The following SNX14 variants were observed in gnomAD, a reference collection of about 807,000 sequenced individuals.
SNX14 encodes the protein sorting nexin-14.
Under a neutral mutation model 133.8 loss-of-function variants are expected in SNX14, and 93 were observed. That is an observed-to-expected ratio of 0.70 (90% CI 0.59 to 0.83). The LOEUF (loss-of-function observed/expected upper bound fraction) is 0.83, where lower values mean the gene tolerates loss of function less well. Ranked by LOEUF, SNX14 falls within the 40% of genes least tolerant of loss-of-function variation. The probability of loss-of-function intolerance (pLI) is 0.00; values close to 1 mark genes in which losing one functional copy is unlikely to be tolerated. For synonymous variants in SNX14, 368 were observed against 365.6 expected (o/e 1.01, Z -0.07); for missense variants, 945 against 1,094.9 (o/e 0.86, Z 1.93).
At chr6:85,560,004 G>A (rs1345529615) in intron 6 of SNX14, among the ~76,000 whole-genome samples, 2 of 152,194 alleles carry the variant, frequency 1.3e-5, no homozygotes, top group East Asian at 3.8e-4. Flanking sequence ...TTCTGGCAAG[G>A]ATGTGGAGAA....
chr6:85,568,139 A>G (rs1344999587), intron 4 of SNX14: 1 of 151,844 alleles, frequency 6.6e-6, no homozygotes, highest in African/African-American at 2.4e-5. Context: ...TATTAGAATG[A>G]CATGCACATA....
chr6:85,533,765 A>C lies in SNX14; in HGVS notation c.1644T>G (p.Ser548=). The C allele has an allele frequency of 6.2e-7, 1 of 1,613,652 alleles. No homozygotes were observed. The highest frequency in any genetic ancestry group is 2.2e-5 in the East Asian group (1 of 44,868). Residue 548 remains serine, a synonymous_variant, in exon 18 of 29, where the codon TCT becomes TCG. Transcript: ENST00000314673. The part of the protein sequence containing the change: ...EEGIVVMEDD[S]PVEAVSTPNT... Reference sequence around the variant, plus strand: ...TAGGTGTGCTCACAGCCTCCACTGGAGAATCATCTTCCATTACAACAATAC... The same window carrying C: ...TAGGTGTGCTCACAGCCTCCACTGGCGAATCATCTTCCATTACAACAATAC...
intron 1 of SNX14, among the ~76,000 whole-genome samples, chr6:85,584,949 C>T (rs1046806745): frequency 1.3e-5 from 2 of 152,164 alleles, no homozygotes; most frequent in Admixed American, 1.3e-4. Context: ...CACATGCACA[C>T]GTTTGTGTAT....
chr6:85,532,416 T>C (rs1780576763), intron 18 of SNX14, among the ~76,000 whole-genome samples: 1 of 152,230 alleles, frequency 6.6e-6, no homozygotes, highest in Non-Finnish European at 1.5e-5. Flanking sequence ...CATTCTTCCC[T>C]CCCAATTCCT....
At chr6:85,587,558 T>C (rs1562018504) in intron 1 of SNX14, among the ~76,000 whole-genome samples, 1 of 152,108 alleles carries the variant, frequency 6.6e-6, no homozygotes, top group East Asian at 1.9e-4. Context: ...CTCAACCTCT[T>C]AGGCACAAGT....
chr6:85,566,878 T>C (rs1402995908), intron 5 of SNX14, among the ~76,000 whole-genome samples: 4 of 152,176 alleles, frequency 2.6e-5, no homozygotes, highest in Admixed American at 6.5e-5. Flanking sequence ...GTTGGATCTC[T>C]CTAATTTCAA....
chr6:85,588,455 T>C (rs934401958), intron 1 of SNX14, among the ~76,000 whole-genome samples: 9 of 151,270 alleles, frequency 5.9e-5, no homozygotes, highest in Admixed American at 5.3e-4. Context: ...CGGGCGCCTG[T>C]AGTCCCAGCT....
Position 85,524,932 on chromosome 6 carries a change from C to A in SNX14, c.2107+1194G>T, listed in dbSNP as rs559172870. On this transcript the variant is annotated intron_variant, in intron 21 of 28. Coordinates refer to ENST00000314673, the MANE Select transcript of SNX14 (RefSeq NM_153816.6). Reference sequence around the variant, plus strand: ...CAGACTACCATTTATTTAATTGAATCCTTTGTTATATTTCTATTTTTTATA... The same window carrying A: ...CAGACTACCATTTATTTAATTGAATACTTTGTTATATTTCTATTTTTTATA... 2.6e-5 allele frequency among the ~76,000 whole-genome samples: 4 copies of A among 152,090 alleles called. No individual in the cohort carries two copies. The South Asian group carries it at 8.3e-4, about 32-fold the overall frequency.
intron 7 of SNX14, among the ~76,000 whole-genome samples, chr6:85,550,109 G>T (rs2128107016): frequency 6.6e-6 from 1 of 152,280 alleles, no homozygotes; most frequent in Non-Finnish European, 1.5e-5. Context: ...AGCCAGGCAT[G>T]GGGGCACACG....
intron 21 of SNX14, among the ~76,000 whole-genome samples, chr6:85,521,876 C>T (rs1285715189): frequency 6.6e-6 from 1 of 152,102 alleles, no homozygotes; most frequent in Non-Finnish European, 1.5e-5. Context: ...AATTTGGGGT[C>T]TTACATTTAA....
chr6:85,547,904 T>C (rs1222763825), intron 9 of SNX14, among the ~76,000 whole-genome samples: 1 of 152,202 alleles, frequency 6.6e-6, no homozygotes. Context: ...CAATGAAATA[T>C]TACTCAGCCT....
At chr6:85,515,110 C>T (rs1277612971) in intron 23 of SNX14, among the ~76,000 whole-genome samples, 1 of 151,206 alleles carries the variant, frequency 6.6e-6, no homozygotes, top group Non-Finnish European at 1.5e-5. Context: ...ACTAAAAATA[C>T]AAAAAAATTA....
At chr6:85,510,703 T>A (rs1201451796) in intron 26 of SNX14, among the ~76,000 whole-genome samples, 1 of 152,248 alleles carries the variant, frequency 6.6e-6, no homozygotes, top group Non-Finnish European at 1.5e-5. Context: ...CAGAAGGTCA[T>A]CTACATTTTC....
intron 5 of SNX14, 101 bp downstream of exon 5, chr6:85,567,433 G>T: frequency 1.1e-6 from 1 of 886,306 alleles, no homozygotes; most frequent in East Asian, 2.9e-5. Flanking sequence ...CAATGACAAA[G>T]TTGAGAAATC....
At chr6:85,511,077 T>C (rs947513775) in intron 26 of SNX14, among the ~76,000 whole-genome samples, 2 of 152,222 alleles carry the variant, frequency 1.3e-5, no homozygotes, top group Non-Finnish European at 2.9e-5. Flanking sequence ...ATTTATTTAG[T>C]TCTTTGATTT....
rs1323801992 is a variant in SNX14 at position 85,505,902 on chromosome 6, G to T, written c.*65C>A. ...TATATATAAGAATATACCCAAAAAA[G>T]TAAATTTCTACCACCCTCGCACAGC... On this transcript the variant is annotated 3_prime_UTR_variant, in exon 29 of 29. Transcript: ENST00000314673. 2 of 1,136,020 alleles carry T rather than the reference G, an allele frequency of 1.8e-6. No homozygotes were observed. Among genetic ancestry groups the T allele is most frequent in the African/African-American group, 1.5e-5 (1 of 64,922 alleles). 70.4% of individuals were successfully genotyped at this position (1,136,020 alleles called of 1,614,324 possible).
chr6:85,559,381 T>A (rs1790804201), intron 6 of SNX14, among the ~76,000 whole-genome samples: 1 of 152,222 alleles, frequency 6.6e-6, no homozygotes, highest in Non-Finnish European at 1.5e-5. Flanking sequence ...CTGAGAATAC[T>A]CAGTAAGATT....
chr6:85,588,162 T>C (rs1389916270), intron 1 of SNX14, among the ~76,000 whole-genome samples: 3 of 152,138 alleles, frequency 2.0e-5, no homozygotes, highest in South Asian at 2.1e-4. Flanking sequence ...AGCCTATATA[T>C]AGTCCCAGCT....
intron 16 of SNX14, among the ~76,000 whole-genome samples, chr6:85,538,185 C>G (rs1269838628): frequency 6.6e-6 from 1 of 152,006 alleles, no homozygotes; most frequent in Admixed American, 6.6e-5. Context: ...AATCAAACTT[C>G]TGGAAAAACA....
Sources: gnomAD v4.1 joint callset for allele counts (sites outside exome capture counted in the v4.1 genomes callset) on GRCh38, gnomAD v4.1.1 for gene constraint, MANE v1.5 for transcripts, NCBI Gene and HGNC (gene_info 2026-07-23, HGNC 2026-07-21) for gene names.